The following IL1RAPL1 variants were observed in gnomAD, a reference collection of about 807,000 sequenced individuals.
The protein encoded by IL1RAPL1 is interleukin 1 receptor accessory protein like 1.
IL1RAPL1 carries 3 observed loss-of-function variants against 48.4 expected under a neutral mutation model. The ratio of observed to expected loss-of-function variants is 0.06; its 90% CI spans 0.03 to 0.16. IL1RAPL1 has a LOEUF of 0.16. Among genes scored for constraint, IL1RAPL1 ranks in the 10% least tolerant of loss-of-function variants. The pLI, the probability that IL1RAPL1 is intolerant of heterozygous loss-of-function variation, is 1.00. For synonymous variants in IL1RAPL1, 185 were observed against 187.7 expected (o/e 0.99, Z 0.12); for missense variants, 349 against 530.6 (o/e 0.66, Z 3.36).
Position 29,842,544 on chromosome X carries a change from G to A in IL1RAPL1, c.779-74920G>A, listed in dbSNP as rs184729482. 1.6e-3 allele frequency among the ~76,000 whole-genome samples: 181 copies of A among 112,528 alleles called. 1 individual carries two copies. Among genetic ancestry groups the A allele is most frequent in the African/African-American group, 5.4e-3 (167 of 31,025 alleles). On this transcript the variant is annotated intron_variant, in intron 6 of 10. Transcript: ENST00000378993. ...ACATGATTTCAGGTTCCCTGAACAG[G>A]CCCCATCTTGTAAAGAGGATTAAAA...
At chrX:29,647,933 G>C (rs961057773) in intron 5 of IL1RAPL1, among the ~76,000 whole-genome samples, 32 of 111,598 alleles carry the variant, frequency 2.9e-4, no homozygotes, top group African/African-American at 9.1e-4. Context: ...AGGACACACA[G>C]AGACTGAAAG....
chrX:29,464,559 A>C (rs1023534253), intron 5 of IL1RAPL1, among the ~76,000 whole-genome samples: 2 of 112,333 alleles, frequency 1.8e-5, no homozygotes, highest in Admixed American at 1.9e-4. Flanking sequence ...AAAACAATTT[A>C]GTTAGAATGT....
At chrX:29,936,178 A>G (rs1245849678) in intron 8 of IL1RAPL1, among the ~76,000 whole-genome samples, 1 of 110,565 alleles carries the variant, frequency 9.0e-6, no homozygotes, top group East Asian at 2.8e-4. Flanking sequence ...TAGGCTGAGC[A>G]TAATTATCCT....
At chrX:28,794,157 A>G (rs1291872452) in intron 2 of IL1RAPL1, among the ~76,000 whole-genome samples, 1 of 111,639 alleles carries the variant, frequency 9.0e-6, no homozygotes, top group African/African-American at 3.3e-5. Flanking sequence ...AGCAAAAGAT[A>G]TAACCCGGAA....
chrX:29,555,481 T>A (rs1050288113), intron 5 of IL1RAPL1, among the ~76,000 whole-genome samples: 1 of 112,144 alleles, frequency 8.9e-6, no homozygotes, highest in Non-Finnish European at 1.9e-5. Flanking sequence ...TCAGGTTTTG[T>A]CTCAATTCCT....
At chrX:29,880,126 G>T (rs746541468) in intron 6 of IL1RAPL1, among the ~76,000 whole-genome samples, 66 of 110,939 alleles carry the variant, frequency 5.9e-4, no homozygotes, top group African/African-American at 2.1e-3. Context: ...TTATAATTTT[G>T]ATAATGGAGA....
At chrX:28,932,710 T>G (rs1204600825) in intron 2 of IL1RAPL1, among the ~76,000 whole-genome samples, 5 of 106,933 alleles carry the variant, frequency 4.7e-5, no homozygotes. Flanking sequence ...TACACTTTTT[T>G]TTTTTTACAT....
intron 2 of IL1RAPL1, among the ~76,000 whole-genome samples, chrX:28,925,046 A>G (rs1601961014): frequency 9.0e-6 from 1 of 111,102 alleles, no homozygotes; most frequent in African/African-American, 3.3e-5. Context: ...TCATTGAAAA[A>G]CTTAACACAA....
At chrX:29,783,696 G>T (rs1415037000) in intron 6 of IL1RAPL1, among the ~76,000 whole-genome samples, 1 of 111,866 alleles carries the variant, frequency 8.9e-6, no homozygotes, top group Non-Finnish European at 1.9e-5. Context: ...TTAAGTATTT[G>T]AACCAAAAGT....
Position 29,680,534 on chromosome X carries a change from C to T in IL1RAPL1, c.778+12030C>T, listed in dbSNP as rs140076495. ...TGAAGCCTGTATTTTTGTGTGAGTA[C>T]GTAGATGTGGCAGTTGGTGGGTGGG... On this transcript the variant is annotated intron_variant, in intron 6 of 10. Coordinates refer to ENST00000378993, the MANE Select transcript of IL1RAPL1 (RefSeq NM_014271.4). Among the ~76,000 whole-genome samples the T allele has an allele frequency of 6.4e-5, 7 of 110,065 alleles. No individual in the cohort carries two copies. The East Asian group carries it at 1.1e-3, about 18-fold the overall frequency.
chrX:28,890,672 C>A (rs1338150608), intron 2 of IL1RAPL1, among the ~76,000 whole-genome samples: 1 of 111,635 alleles, frequency 9.0e-6, no homozygotes, highest in Non-Finnish European at 1.9e-5. Context: ...AATTAATAAA[C>A]CATTGGGTAC....
intron 5 of IL1RAPL1, among the ~76,000 whole-genome samples, chrX:29,446,553 A>T (rs1220683548): frequency 8.9e-6 from 1 of 111,814 alleles, no homozygotes; most frequent in Non-Finnish European, 1.9e-5. Context: ...TAAACCATAT[A>T]TGGCCAATAC....
chrX:29,872,245 G>A (rs945529817), intron 6 of IL1RAPL1, among the ~76,000 whole-genome samples: 1 of 111,488 alleles, frequency 9.0e-6, no homozygotes, highest in Non-Finnish European at 1.9e-5. Flanking sequence ...TCAATTTGGT[G>A]TATCCTAAAC....
chrX:28,775,672 T>A (rs1936355675), intron 1 of IL1RAPL1, among the ~76,000 whole-genome samples: 1 of 113,102 alleles, frequency 8.8e-6, no homozygotes, highest in Non-Finnish European at 1.9e-5. Context: ...CTTACTCTGT[T>A]AATAAGCCTT....
chrX:29,622,176 G>C (rs1019485352), intron 5 of IL1RAPL1, among the ~76,000 whole-genome samples: 9 of 112,380 alleles, frequency 8.0e-5, no homozygotes, highest in Non-Finnish European at 1.5e-4. Flanking sequence ...CTTTAGATAA[G>C]CTTATAATTA....
chrX:28,726,951 T>C (rs1394849367), intron 1 of IL1RAPL1, among the ~76,000 whole-genome samples: 3 of 112,215 alleles, frequency 2.7e-5, no homozygotes, highest in Non-Finnish European at 5.6e-5. Context: ...ATAGTAGTAA[T>C]GTAATCAGAA....
intron 3 of IL1RAPL1, among the ~76,000 whole-genome samples, chrX:29,347,681 T>G (rs1429914711): frequency 2.7e-5 from 3 of 111,635 alleles, no homozygotes; most frequent in Non-Finnish European, 5.6e-5. Context: ...TGAGCTACCA[T>G]GTCCAGCCGT....
At chrX:28,745,585 C>A (rs1935965399) in intron 1 of IL1RAPL1, among the ~76,000 whole-genome samples, 2 of 104,162 alleles carry the variant, frequency 1.9e-5, no homozygotes, top group African/African-American at 7.0e-5. Flanking sequence ...GAGGGCAGTT[C>A]AATTTGGAGA....
intron 2 of IL1RAPL1, among the ~76,000 whole-genome samples, chrX:29,227,761 T>G (rs1001621603): frequency 5.4e-5 from 6 of 111,826 alleles, no homozygotes; most frequent in Non-Finnish European, 1.1e-4. Flanking sequence ...TACCACTGCT[T>G]ACTTCCTAGA....
Sources: gnomAD v4.1 joint callset for allele counts (sites outside exome capture counted in the v4.1 genomes callset) on GRCh38, gnomAD v4.1.1 for gene constraint, MANE v1.5 for transcripts, NCBI Gene and HGNC (gene_info 2026-07-23, HGNC 2026-07-21) for gene names.